The following DUSP16 variants were observed in gnomAD, a reference collection of about 807,000 sequenced individuals.
The protein encoded by DUSP16 is dual specificity protein phosphatase 16.
In DUSP16, 21 loss-of-function variants were observed where a neutral mutation model predicts 58.3. The observed-to-expected ratio is 0.36, with a 90% CI of 0.26 to 0.52. The LOEUF is 0.52. Among genes scored for constraint, DUSP16 ranks in the 20% least tolerant of loss-of-function variants. DUSP16 has a pLI of 0.94. For synonymous variants in DUSP16, 320 were observed against 323.8 expected (o/e 0.99, Z 0.12); for missense variants, 726 against 819.0 (o/e 0.89, Z 1.39).
At chr12:12,528,157 C>T (rs1447932267) in intron 1 of DUSP16, among the ~76,000 whole-genome samples, 1 of 151,908 alleles carries the variant, frequency 6.6e-6, no homozygotes, top group Non-Finnish European at 1.5e-5. Flanking sequence ...CTGAGCTCTC[C>T]TCCTCCTTCC....
chr12:12,480,506 A>G (rs536438295), intron 5 of DUSP16, among the ~76,000 whole-genome samples, 160 bp from the exon 6 acceptor site: 2 of 152,324 alleles, frequency 1.3e-5, no homozygotes, highest in African/African-American at 4.8e-5. Context: ...TTGAGGAGGC[A>G]GGGGAAGATA....
rs190748597 is a variant in DUSP16, at chr12:12,512,129, C to T, written c.367+7733G>A. Among the ~76,000 whole-genome samples the T allele has an allele frequency of 3.5e-4, 54 of 152,286 alleles. No individual in the cohort carries two copies. In the South Asian group the frequency reaches 7.1e-3, roughly 20 times the overall value. ...CGGAGAAAAGATGATCCAATTTAGA[C>T]GAATTCATGCCAACTGAGACTCAGA... On this transcript the variant is annotated intron_variant, in intron 3 of 6. Transcript: ENST00000298573.
intron 3 of DUSP16, among the ~76,000 whole-genome samples, chr12:12,519,169 G>GA (rs1228881960): frequency 6.6e-6 from 1 of 152,182 alleles, no homozygotes; most frequent in Non-Finnish European, 1.5e-5. Context: ...GCCTTCTTTG[G>GA]AATTTGATGG....
rs1165438970 is a variant in DUSP16 at position 12,519,942 on chromosome 12, G to T, written c.287C>A (p.Ala96Asp). Residue 96 changes from alanine (A) to aspartate (D), a missense_variant, in exon 3 of 7, where the codon GCC becomes GAC. Transcript: ENST00000298573. ...VVYDQSSQDV[A>D]SLSSDCFLTV... ...GAGAAAACAGTCTGAAGAGAGAGAGGCAACATCTTGGGAGCTTTGATCGTA... is the reference window on the plus strand; with the variant it reads ...GAGAAAACAGTCTGAAGAGAGAGAGTCAACATCTTGGGAGCTTTGATCGTA... The T allele has an allele frequency of 2.5e-5, 40 of 1,613,958 alleles. No homozygotes were observed. Among genetic ancestry groups the T allele is most frequent in the Non-Finnish European group, 3.3e-5 (39 of 1,179,902 alleles).
intron 1 of DUSP16, among the ~76,000 whole-genome samples, chr12:12,551,144 A>G (rs894265137): frequency 6.6e-6 from 1 of 151,646 alleles, no homozygotes; most frequent in African/African-American, 2.4e-5. Flanking sequence ...ACTTATTCAG[A>G]CTTTGGTATC....
intron 4 of DUSP16, among the ~76,000 whole-genome samples, chr12:12,487,641 A>G (rs1408868542): frequency 1.3e-5 from 2 of 152,174 alleles, no homozygotes; most frequent in African/African-American, 2.4e-5. Flanking sequence ...AGTCTTAATT[A>G]CCAGTTCTAC....
intron 1 of DUSP16, among the ~76,000 whole-genome samples, chr12:12,536,130 T>C (rs1944458977): frequency 6.6e-6 from 1 of 152,206 alleles, no homozygotes; most frequent in African/African-American, 2.4e-5. Context: ...CAGTTTTAGT[T>C]GCCTATGGAT....
chr12:12,533,698 G>A (rs529664835), intron 1 of DUSP16, among the ~76,000 whole-genome samples: 33 of 152,284 alleles, frequency 2.2e-4, no homozygotes, highest in Admixed American at 1.8e-3. Flanking sequence ...TAGGAATTTA[G>A]AGACAAGTGA....
chr12:12,518,521 AAAAAG>A (rs1182209701), intron 3 of DUSP16, among the ~76,000 whole-genome samples: 2 of 152,036 alleles, frequency 1.3e-5, no homozygotes, highest in South Asian at 2.1e-4. Flanking sequence ...TCAAAAAAAA[AAAAAG>A]AAAAGAAAAA....
rs1255300577 is a variant in DUSP16, at chr12:12,473,977, A to G, written c.*2856T>C. Among the ~76,000 whole-genome samples, 1 of 152,190 alleles carries G rather than the reference A, an allele frequency of 6.6e-6. No homozygotes were observed. Among genetic ancestry groups the G allele is most frequent in the Non-Finnish European group, 1.5e-5 (1 of 68,036 alleles). ...TTTACCAAGTGTCTTAGGCTTTTTCACTGTAGTGTGCATTTAACGTACACA... is the reference window on the plus strand; with the variant it reads ...TTTACCAAGTGTCTTAGGCTTTTTCGCTGTAGTGTGCATTTAACGTACACA... On this transcript the variant is annotated 3_prime_UTR_variant, in exon 7 of 7. Transcript: ENST00000298573.
intron 1 of DUSP16, among the ~76,000 whole-genome samples, chr12:12,525,965 T>C (rs533994319): frequency 6.6e-6 from 1 of 152,320 alleles, no homozygotes; most frequent in African/African-American, 2.4e-5. Context: ...CATGAAGTTA[T>C]GGAAATTATC....
intron 1 of DUSP16, among the ~76,000 whole-genome samples, chr12:12,551,503 T>C (rs1441956420): frequency 1.3e-5 from 2 of 150,490 alleles, no homozygotes; most frequent in Non-Finnish European, 3.0e-5. Flanking sequence ...TTGCCAATGA[T>C]ATAAATTAAG....
Position 12,474,694 on chromosome 12 carries a change from C to T in DUSP16, c.*2139G>A, listed in dbSNP as rs1943387669. 6.6e-6 allele frequency: 1 copy of T among 152,182 alleles called. No homozygotes were observed. Among genetic ancestry groups the T allele is most frequent in the Non-Finnish European group, 1.5e-5 (1 of 68,044 alleles). 9.4% of individuals were successfully genotyped at this position (152,182 alleles called of 1,614,324 possible). ...AGGGGGACCATGGCCAAGAGAAGCCCTAAATGACAGAAGCTCATTAAAACC... is the reference window on the plus strand; with the variant it reads ...AGGGGGACCATGGCCAAGAGAAGCCTTAAATGACAGAAGCTCATTAAAACC... On this transcript the variant is annotated 3_prime_UTR_variant, in exon 7 of 7. Coordinates refer to ENST00000298573, the MANE Select transcript of DUSP16 (RefSeq NM_030640.3).
chr12:12,490,408 CA>C (rs1251546218), intron 4 of DUSP16, among the ~76,000 whole-genome samples: 2 of 147,868 alleles, frequency 1.4e-5, no homozygotes, highest in East Asian at 2.3e-4. Flanking sequence ...ACAAACAAAC[CA>C]AAAACAAAAA....
At chr12:12,498,634 C>G (rs986147035) in intron 4 of DUSP16, among the ~76,000 whole-genome samples, 3 of 152,040 alleles carry the variant, frequency 2.0e-5, no homozygotes, top group African/African-American at 7.3e-5. Flanking sequence ...TGGCTGTTCT[C>G]AAACTCCTGA....
intron 4 of DUSP16, among the ~76,000 whole-genome samples, chr12:12,490,852 C>T (rs893116377): frequency 3.9e-5 from 6 of 152,196 alleles, no homozygotes; most frequent in Non-Finnish European, 8.8e-5. Context: ...TTCCAAAACA[C>T]CTGACTTAGG....
At chr12:12,531,047 C>T (rs74317549) in intron 1 of DUSP16, among the ~76,000 whole-genome samples, 1 of 152,148 alleles carries the variant, frequency 6.6e-6, no homozygotes, top group African/African-American at 2.4e-5. Context: ...CTTTAGTCCA[C>T]ACCAGCCCCA....
At chr12:12,547,856 G>A (rs889344951) in intron 1 of DUSP16, among the ~76,000 whole-genome samples, 4 of 152,112 alleles carry the variant, frequency 2.6e-5, no homozygotes, top group African/African-American at 9.7e-5. Context: ...GAGGTTAGCT[G>A]GTAAAAGGCA....
At chr12:12,528,185 T>C (rs183827562) in intron 1 of DUSP16, among the ~76,000 whole-genome samples, 107 of 152,266 alleles carry the variant, frequency 7.0e-4, no homozygotes, top group African/African-American at 2.5e-3. Flanking sequence ...AACCTTCCTC[T>C]TTCCCTCTGC....
Sources: gnomAD v4.1 joint callset for allele counts (sites outside exome capture counted in the v4.1 genomes callset) on GRCh38, gnomAD v4.1.1 for gene constraint, MANE v1.5 for transcripts, NCBI Gene and HGNC (gene_info 2026-07-23, HGNC 2026-07-21) for gene names.